Variants in C1orf21 observed in about 807,000 individuals in gnomAD.
The protein encoded by C1orf21 is uncharacterized protein C1orf21.
C1orf21 carries 3 observed loss-of-function variants against 18.7 expected under a neutral mutation model. The ratio of observed to expected loss-of-function variants is 0.16; its 90% CI spans 0.07 to 0.42. C1orf21 has a LOEUF of 0.42. Ranked by LOEUF, C1orf21 falls within the 10% of genes least tolerant of loss-of-function variation. C1orf21 has a pLI of 0.99. For synonymous variants in C1orf21, 41 were observed against 46.4 expected (o/e 0.88, Z 0.47); for missense variants, 104 against 143.6 (o/e 0.72, Z 1.41).
intron 2 of C1orf21, among the ~76,000 whole-genome samples, chr1:184,483,909 G>A (rs1027797285): frequency 6.7e-6 from 1 of 150,274 alleles, no homozygotes; most frequent in African/African-American, 2.5e-5. Flanking sequence ...GTGTGTGTGT[G>A]TGGGGCGGGG....
rs537309537 is a variant in C1orf21 at position 184,621,790 on chromosome 1, C to T, written c.*2234C>T. The T allele has an allele frequency of 2.0e-5, 3 of 152,226 alleles. No homozygotes were observed. Among genetic ancestry groups the T allele is most frequent in the South Asian group, 2.1e-4 (1 of 4,822 alleles). 9.4% of individuals were successfully genotyped at this position (152,226 alleles called of 1,614,324 possible). A position where few individuals can be genotyped will look rare whatever the true frequency, so the allele number is the denominator to read the frequency against. On this transcript the variant is annotated 3_prime_UTR_variant, in exon 6 of 6. Coordinates refer to ENST00000235307, the MANE Select transcript of C1orf21 (RefSeq NM_030806.4). ...CTGACTTTTGAGTGTTTAATAAAGC[C>T]GGAAGTGGTGTTGCCCTGAACCAGC...
At chr1:184,611,587 T>G (rs1053281342) in intron 5 of C1orf21, among the ~76,000 whole-genome samples, 1 of 152,208 alleles carries the variant, frequency 6.6e-6, no homozygotes, top group Non-Finnish European at 1.5e-5. Flanking sequence ...CAGATTCTTA[T>G]GGAAACTTGG....
intron 3 of C1orf21, among the ~76,000 whole-genome samples, chr1:184,538,669 A>T (rs7544240): frequency 0.51 from 77,541 of 151,980 alleles, 20,209 homozygotes; most frequent in African/African-American, 0.64. Flanking sequence ...ATTCTTTTGC[A>T]TATTGGTGTC....
At chr1:184,438,483 T>C (rs1656892806) in intron 1 of C1orf21, among the ~76,000 whole-genome samples, 1 of 152,152 alleles carries the variant, frequency 6.6e-6, no homozygotes, top group Non-Finnish European at 1.5e-5. Flanking sequence ...CATAGTGCAA[T>C]GTTTCCAGAC....
intron 1 of C1orf21, among the ~76,000 whole-genome samples, chr1:184,395,107 T>G (rs1656030998): frequency 1.3e-5 from 2 of 152,156 alleles, no homozygotes; most frequent in African/African-American, 4.8e-5. Context: ...GCTATAAGAG[T>G]GGTTTCTCCC....
Position 184,628,088 on chromosome 1 carries a change from G to A in C1orf21, c.*8532G>A, listed in dbSNP as rs1660047118. On this transcript the variant is annotated 3_prime_UTR_variant, in exon 6 of 6. Transcript: ENST00000235307. ...CTCAATCAGGTCTGGGAGGTATCTT[G>A]GGGCATTGCTCTTCTGAACACCTGC... 1 of 152,182 alleles carries A rather than the reference G, an allele frequency of 6.6e-6. No individual in the cohort carries two copies. The highest frequency in any genetic ancestry group is 1.5e-5 in the Non-Finnish European group (1 of 68,044). The allele number at this position is 152,182 out of a possible 1,614,324, so 9.4% of individuals were successfully genotyped here.
chr1:184,567,608 G>C, intron 3 of C1orf21: 1 of 444,250 alleles, frequency 2.3e-6, no homozygotes, highest in South Asian at 1.9e-5. Context: ...TCGTTGGTGG[G>C]GCAGGCAGTG....
At chr1:184,407,299 T>C (rs985383118) in intron 1 of C1orf21, among the ~76,000 whole-genome samples, 2 of 152,134 alleles carry the variant, frequency 1.3e-5, no homozygotes, top group African/African-American at 4.8e-5. Context: ...AATTTTTCTG[T>C]GGAATTGAGT....
intron 2 of C1orf21, among the ~76,000 whole-genome samples, chr1:184,498,718 A>T (rs1328103411): frequency 1.3e-5 from 2 of 152,240 alleles, no homozygotes; most frequent in Non-Finnish European, 1.5e-5. Context: ...ACCCTGAAAA[A>T]GAACATCACT....
intron 1 of C1orf21, among the ~76,000 whole-genome samples, chr1:184,428,883 T>A (rs532289318): frequency 1.3e-5 from 2 of 152,234 alleles, no homozygotes; most frequent in East Asian, 3.9e-4. Flanking sequence ...CATCTCTGCA[T>A]TGCTATTAAG....
intron 1 of C1orf21, among the ~76,000 whole-genome samples, chr1:184,462,049 A>T (rs555057387): frequency 6.6e-6 from 1 of 152,330 alleles, no homozygotes; most frequent in South Asian, 2.1e-4. Flanking sequence ...AGGGAGGAGG[A>T]CATGGGTCTT....
chr1:184,620,584 C>G lies in C1orf21; in HGVS notation c.*1028C>G, dbSNP rs12754494. The G allele has an allele frequency of 0.075, 11,473 of 152,592 alleles. 507 individuals carry two copies. Among genetic ancestry groups the G allele is most frequent in the Non-Finnish European group, 0.087 (5,931 of 67,996 alleles). The allele number at this position is 152,592 out of a possible 1,614,324, so 9.5% of individuals were successfully genotyped here. The stretch of plus-strand genomic sequence containing the variant: ...AAACCATCCTATTTTGTAACTCTCC[C>G]CCTTCAAAATGCTACATGAGCCTTG... On this transcript the variant is annotated 3_prime_UTR_variant, in exon 6 of 6. Coordinates refer to ENST00000235307, the MANE Select transcript of C1orf21 (RefSeq NM_030806.4).
At chr1:184,527,282 C>A (rs1259090958) in intron 3 of C1orf21, among the ~76,000 whole-genome samples, 1 of 152,146 alleles carries the variant, frequency 6.6e-6, no homozygotes, top group Non-Finnish European at 1.5e-5. Context: ...ATGCTTAGAA[C>A]AAGGAATACA....
intron 2 of C1orf21, among the ~76,000 whole-genome samples, chr1:184,488,079 C>T (rs941043415): frequency 1.5e-4 from 23 of 152,160 alleles, no homozygotes; most frequent in Admixed American, 9.2e-4. Context: ...GTATAATTCT[C>T]TAAACTTAAA....
chr1:184,570,978 C>T (rs1221974907), intron 3 of C1orf21, among the ~76,000 whole-genome samples: 3 of 152,178 alleles, frequency 2.0e-5, no homozygotes, highest in Non-Finnish European at 4.4e-5. Flanking sequence ...ATTTGTCCAT[C>T]TAAACATCTC....
At chr1:184,586,214 C>T (rs906777926) in intron 3 of C1orf21, among the ~76,000 whole-genome samples, 1 of 150,874 alleles carries the variant, frequency 6.6e-6, no homozygotes, top group African/African-American at 2.4e-5. Context: ...TGATGTTAAA[C>T]TTTTTTTCAT....
At chr1:184,445,113 G>A (rs888229393) in intron 1 of C1orf21, among the ~76,000 whole-genome samples, 1 of 152,098 alleles carries the variant, frequency 6.6e-6, no homozygotes, top group South Asian at 2.1e-4. Flanking sequence ...GATGAGTAAA[G>A]CTTCATGAAA....
rs1656260562 is a variant in C1orf21 at position 184,407,122 on chromosome 1, CAT to C, written c.-125+19757_-125+19758del. On this transcript the variant is annotated intron_variant, in intron 1 of 5. Transcript: ENST00000235307. The stretch of plus-strand genomic sequence containing the variant: ...TCTCCAGTAGCTGGGACTATGGGTG[CAT>C]ATCACTAGGCTTGGCTAATTTAAAA... Among the ~76,000 whole-genome samples, 9 of 152,188 alleles carry C rather than the reference CAT, an allele frequency of 5.9e-5. No individual in the cohort carries two copies. In the South Asian group the frequency reaches 1.7e-3, roughly 28 times the overall value.
chr1:184,485,099 G>A (rs940680147), intron 2 of C1orf21, among the ~76,000 whole-genome samples: 4 of 152,138 alleles, frequency 2.6e-5, no homozygotes, highest in African/African-American at 9.7e-5. Flanking sequence ...CAGCGAAGAT[G>A]GATTAAAGAT....
Sources: gnomAD v4.1 joint callset for allele counts (sites outside exome capture counted in the v4.1 genomes callset) on GRCh38, gnomAD v4.1.1 for gene constraint, MANE v1.5 for transcripts, NCBI Gene and HGNC (gene_info 2026-07-23, HGNC 2026-07-21) for gene names.